The following E2F7 variants were observed in gnomAD, a reference collection of about 807,000 sequenced individuals.
The protein encoded by E2F7 is transcription factor E2F7.
E2F7 carries 35 observed loss-of-function variants against 81.1 expected under a neutral mutation model. That is an observed-to-expected ratio of 0.43 (90% CI 0.33 to 0.57). E2F7 has a LOEUF of 0.57. E2F7 is among the 20% of genes least tolerant of loss of function. E2F7 has a pLI of 0.04. For missense variants in E2F7, 961 were observed against 1,093.7 expected (o/e 0.88, Z 1.71); for synonymous variants, 416 against 416.2 (o/e 1.00, Z 0.01).
chr12:77,042,504 G>C (rs1954901884), intron 7 of E2F7, among the ~76,000 whole-genome samples: 1 of 152,108 alleles, frequency 6.6e-6, no homozygotes. Context: ...CATGAAATAA[G>C]TAGAAGATTA....
Position 77,056,139 on chromosome 12 carries a change from A to G in E2F7, c.94-9T>C, listed in dbSNP as rs1414195685. ...TCAACAAATATATTTTCCTATTTTA[A>G]AAAAGAAACTTTTAGCAAGAATGAG... is the stretch of plus-strand genomic sequence containing the variant. On this transcript the variant is annotated splice_polypyrimidine_tract_variant and intron_variant, in intron 2 of 12. Coordinates refer to ENST00000322886, the MANE Select transcript of E2F7 (RefSeq NM_203394.3). 3 of 1,582,002 alleles carry G rather than the reference A, an allele frequency of 1.9e-6. No homozygotes were observed. The African/African-American group carries it at 4.1e-5, about 22-fold the overall frequency.
chr12:77,041,394 T>G (rs1954894161), intron 7 of E2F7, among the ~76,000 whole-genome samples: 2 of 152,180 alleles, frequency 1.3e-5, no homozygotes, highest in Non-Finnish European at 2.9e-5. Context: ...TTTCATCATA[T>G]TGGTCAGGCT....
At chr12:77,058,833 A>G (rs973178955) in intron 2 of E2F7, among the ~76,000 whole-genome samples, 1 of 152,172 alleles carries the variant, frequency 6.6e-6, no homozygotes, top group Non-Finnish European at 1.5e-5. Flanking sequence ...ACAGCACATC[A>G]TATTGCTATT....
chr12:77,027,266 C>T (rs576656308), intron 11 of E2F7, among the ~76,000 whole-genome samples: 127 of 152,278 alleles, frequency 8.3e-4, no homozygotes, highest in Non-Finnish European at 1.4e-3. Flanking sequence ...ATCTGTATTT[C>T]GGCTTTAATA....
At chr12:77,029,668 G>A (rs1021865981) in intron 10 of E2F7, among the ~76,000 whole-genome samples, 163 bp downstream of exon 10, 1 of 152,184 alleles carries the variant, frequency 6.6e-6, no homozygotes, top group Non-Finnish European at 1.5e-5. Flanking sequence ...ACTATTTTAA[G>A]GCAAGATTTT....
rs1189930055 is a variant in E2F7 at position 77,023,458 on chromosome 12, C to T, written c.*557G>A. 1 of 152,652 alleles carries T rather than the reference C, an allele frequency of 6.6e-6. No individual in the cohort carries two copies. The highest frequency in any genetic ancestry group is 6.5e-5 in the Admixed American group (1 of 15,270). The allele number at this position is 152,652 out of a possible 1,614,324, so 9.5% of individuals were successfully genotyped here. A position where few individuals can be genotyped will look rare whatever the true frequency, so the allele number is the denominator to read the frequency against. On this transcript the variant is annotated 3_prime_UTR_variant, in exon 13 of 13. Coordinates refer to ENST00000322886, the MANE Select transcript of E2F7 (RefSeq NM_203394.3). The stretch of plus-strand genomic sequence containing the variant: ...AGAATAAAAGTATAAACATTCAAGT[C>T]GTCATACCCTGAAAAAAATGTGTTA...
Position 77,064,622 on chromosome 12 carries a change from C to A in E2F7, c.14G>T (p.Cys5Phe). ...GCTGATCAGGTCTTTTAGTGTTAAA[C>A]AATTTACCTCCATCTGTAATGCACA... MEVNCLTLKDLISPR... is the reference protein window; with the variant it reads MEVNFLTLKDLISPR... The change falls in exon 2 of 13, where the codon TGT becomes TTT. Residue 5 changes from cysteine (C) to phenylalanine (F), a missense_variant. Cys to Phe is a radical substitution (Grantham distance 205, BLOSUM62 -2). Transcript: ENST00000322886. 6.2e-7 allele frequency: 1 copy of A among 1,613,720 alleles called. No homozygotes were observed. Among genetic ancestry groups the A allele is most frequent in the Non-Finnish European group, 8.5e-7 (1 of 1,179,908 alleles).
At chr12:77,053,501 A>G (rs1276740258) in intron 3 of E2F7, among the ~76,000 whole-genome samples, 1 of 152,150 alleles carries the variant, frequency 6.6e-6, no homozygotes, top group African/African-American at 2.4e-5. Context: ...ATAATTATGA[A>G]AAACAGTTTT....
At chr12:77,049,373 A>G (rs1413374112) in intron 4 of E2F7, among the ~76,000 whole-genome samples, 1 of 152,156 alleles carries the variant, frequency 6.6e-6, no homozygotes, top group Non-Finnish European at 1.5e-5. Flanking sequence ...GATGGACAGG[A>G]CAGCTAGGGT....
At chr12:77,031,240 T>C (rs897963032) in intron 9 of E2F7, among the ~76,000 whole-genome samples, 2 of 152,092 alleles carry the variant, frequency 1.3e-5, no homozygotes, top group Non-Finnish European at 2.9e-5. Context: ...ATAAATAAGA[T>C]ATAAACAATG....
chr12:77,051,133 T>G (rs1954984122), intron 3 of E2F7, among the ~76,000 whole-genome samples: 1 of 152,178 alleles, frequency 6.6e-6, no homozygotes, highest in Non-Finnish European at 1.5e-5. Flanking sequence ...TCTAGGTGAT[T>G]TCTAATGACG....
chr12:77,049,587 G>A (rs1954969955), intron 4 of E2F7, among the ~76,000 whole-genome samples: 1 of 152,106 alleles, frequency 6.6e-6, no homozygotes, highest in African/African-American at 2.4e-5. Flanking sequence ...TAGAGAGCTG[G>A]GCTTCAAATC....
chr12:77,061,647 T>C (rs188896343), intron 2 of E2F7, among the ~76,000 whole-genome samples: 30 of 152,342 alleles, frequency 2.0e-4, no homozygotes, highest in African/African-American at 7.0e-4. Context: ...GGTAAGAAGA[T>C]GCATACATAA....
chr12:77,064,474 G>A, intron 2 of E2F7, 69 bp downstream of exon 2: 1 of 1,236,148 alleles, frequency 8.1e-7, no homozygotes, highest in East Asian at 2.3e-5. Context: ...TGGCATGTTG[G>A]AACACTTAAT....
At chr12:77,046,691 T>C (rs1954945840) in intron 4 of E2F7, among the ~76,000 whole-genome samples, 5 of 152,244 alleles carry the variant, frequency 3.3e-5, no homozygotes, top group South Asian at 2.1e-4. Context: ...GTGTGCCTAA[T>C]GGACACGTGA....
At chr12:77,059,740 C>T (rs1330792915) in intron 2 of E2F7, among the ~76,000 whole-genome samples, 3 of 152,050 alleles carry the variant, frequency 2.0e-5, no homozygotes, top group African/African-American at 4.8e-5. Context: ...AGGCGGATCA[C>T]GAGGTCAGGA....
chr12:77,044,362 A>G, intron 6 of E2F7: 4 of 543,938 alleles, frequency 7.4e-6, no homozygotes, highest in South Asian at 6.7e-5. Context: ...GAAATGCAAA[A>G]TAATTCACAC....
Position 77,043,151 on chromosome 12 carries a change from G to T in E2F7, c.1037C>A (p.Ala346Asp). 1.2e-6 allele frequency: 2 copies of T among 1,614,152 alleles called. No individual in the cohort carries two copies. Among genetic ancestry groups the T allele is most frequent in the Middle Eastern group, 1.6e-4 (1 of 6,062 alleles). ...TGTTACATGCACTTTCTTTATCAGA[G>T]CCAAGCTGGTCAGAACATTGGCTAT... ...YDIANVLTSL[A>D]LIKKVHVTEE... The change falls in exon 7 of 13, where the codon GCT becomes GAT. Residue 346 changes from alanine to aspartate, a missense_variant. Physicochemically the swap from Ala to Asp is moderately radical, Grantham distance 126. Coordinates refer to ENST00000322886, the MANE Select transcript of E2F7 (RefSeq NM_203394.3).
In E2F7 at chr12:77,046,134, G is replaced by A. The variant is rs1411039261; in HGVS notation, c.733C>T (p.Leu245=). 1 of 1,614,156 alleles carries A rather than the reference G, an allele frequency of 6.2e-7. No individual in the cohort carries two copies. The highest frequency in any genetic ancestry group is 8.5e-7 in the Non-Finnish European group (1 of 1,180,034). The change falls in exon 5 of 13, where the codon CTG becomes TTG. Residue 245 remains leucine, a synonymous_variant. Transcript: ENST00000322886. ...MAYLQQKELD[L]IDYKFGERKK... The stretch of plus-strand genomic sequence containing the variant: ...CGTTCTCCAAATTTATAATCTATCA[G>A]GTCCAGCTCTTTCTGTTGGAGGTAG...
Sources: allele counts gnomAD v4.1 joint callset (sites outside exome capture counted in the v4.1 genomes callset), GRCh38; gene constraint gnomAD v4.1.1; transcripts MANE v1.5; gene names NCBI Gene and HGNC (gene_info 2026-07-23, HGNC 2026-07-21).